CMSS1: variants seen among roughly 807,000 people sequenced by gnomAD.
CMSS1 encodes protein CMSS1.
CMSS1 carries 33 observed loss-of-function variants against 43.5 expected under a neutral mutation model. That is an observed-to-expected ratio of 0.76 (90% CI 0.57 to 1.01). The LOEUF is 1.01. Among genes scored for constraint, CMSS1 ranks in the 50% least tolerant of loss-of-function variants. The pLI is 0.00. For missense variants in CMSS1, 313 were observed against 326.4 expected (o/e 0.96, Z 0.32); for synonymous variants, 115 against 117.2 (o/e 0.98, Z 0.12).
At chr3:100,167,046 C>T (rs1189667502) in intron 5 of CMSS1, among the ~76,000 whole-genome samples, 1 of 152,122 alleles carries the variant, frequency 6.6e-6, no homozygotes, top group Non-Finnish European at 1.5e-5. Context: ...CTGTGTCTGG[C>T]CCTTCAATAT....
chr3:100,001,189 C>G (rs1282201212), intron 1 of CMSS1, among the ~76,000 whole-genome samples: 1 of 152,212 alleles, frequency 6.6e-6, no homozygotes, highest in Admixed American at 6.5e-5. Context: ...TACCCTCTCA[C>G]TTTGTCTCAG....
chr3:99,987,483 T>G (rs980059623), intron 1 of CMSS1, among the ~76,000 whole-genome samples: 22 of 145,660 alleles, frequency 1.5e-4, no homozygotes, highest in African/African-American at 5.7e-4. Flanking sequence ...GAGCCAAGAT[T>G]GTGCCACTGC....
At chr3:99,970,746 G>A (rs943862200) in intron 1 of CMSS1, among the ~76,000 whole-genome samples, 1 of 152,216 alleles carries the variant, frequency 6.6e-6, no homozygotes, top group South Asian at 2.1e-4. Flanking sequence ...AGCGTGCTAC[G>A]ATAGACCTCA....
chr3:100,039,314 A>G (rs1215664129), intron 1 of CMSS1, among the ~76,000 whole-genome samples: 1 of 152,236 alleles, frequency 6.6e-6, no homozygotes, highest in Non-Finnish European at 1.5e-5. Flanking sequence ...CCTATGAAGT[A>G]CATAAGAAGT....
chr3:99,916,012 G>A (rs1475917766), intron 1 of CMSS1, among the ~76,000 whole-genome samples: 2 of 152,214 alleles, frequency 1.3e-5, no homozygotes, highest in African/African-American at 2.4e-5. Context: ...AAAGATACGT[G>A]TAATGGTTAA....
intron 1 of CMSS1, chr3:99,850,531 A>G: frequency 1.2e-6 from 2 of 1,613,326 alleles, no homozygotes; most frequent in Middle Eastern, 1.7e-4. Context: ...TTTCCCTTCC[A>G]TATCTAGCAC....
intron 1 of CMSS1, among the ~76,000 whole-genome samples, chr3:99,928,079 G>T (rs1576578956): frequency 6.6e-6 from 1 of 152,148 alleles, no homozygotes; most frequent in Admixed American, 6.5e-5. Context: ...TCAAGATGGG[G>T]GAATGCAAAA....
intron 2 of CMSS1, among the ~76,000 whole-genome samples, chr3:100,148,944 C>A (rs935562922): frequency 2.6e-5 from 4 of 152,004 alleles, no homozygotes; most frequent in Admixed American, 2.6e-4. Flanking sequence ...ACATCCGTAG[C>A]TCTTCAATTT....
intron 1 of CMSS1, among the ~76,000 whole-genome samples, chr3:99,979,099 C>A (rs1047072686): frequency 2.6e-5 from 4 of 152,274 alleles, no homozygotes; most frequent in Middle Eastern, 3.4e-3. Context: ...GGATTTCTAA[C>A]TTCCCCAACA....
At chr3:99,876,899 G>A (rs1387570366) in intron 1 of CMSS1, among the ~76,000 whole-genome samples, 1 of 152,124 alleles carries the variant, frequency 6.6e-6, no homozygotes, top group African/African-American at 2.4e-5. Flanking sequence ...AATGTTTTGT[G>A]CTGTACTTTC....
chr3:99,998,760 C>T (rs1048215022), intron 1 of CMSS1, among the ~76,000 whole-genome samples: 3 of 151,980 alleles, frequency 2.0e-5, no homozygotes, highest in Non-Finnish European at 2.9e-5. Flanking sequence ...TAGTAGAGAC[C>T]GGGTTTCACC....
chr3:99,990,025 C>T (rs1353984475), intron 1 of CMSS1, among the ~76,000 whole-genome samples: 1 of 152,136 alleles, frequency 6.6e-6, no homozygotes, highest in African/African-American at 2.4e-5. Flanking sequence ...AAGTATGAGT[C>T]TTTAAATCCC....
intron 1 of CMSS1, among the ~76,000 whole-genome samples, chr3:100,113,421 G>C (rs531351308): frequency 6.6e-6 from 1 of 152,282 alleles, no homozygotes; most frequent in East Asian, 1.9e-4. Context: ...GTTCTTGATA[G>C]GTATCTCCCA....
chr3:100,142,772 A>G (rs1452751703), intron 1 of CMSS1, among the ~76,000 whole-genome samples: 1 of 152,224 alleles, frequency 6.6e-6, no homozygotes, highest in Non-Finnish European at 1.5e-5. Context: ...GGAAATTTGT[A>G]TAAGGGATTA....
intron 2 of CMSS1, among the ~76,000 whole-genome samples, chr3:100,150,329 T>A (rs1198839082): frequency 1.3e-5 from 2 of 152,202 alleles, no homozygotes; most frequent in Non-Finnish European, 2.9e-5. Context: ...ATAACTGCAT[T>A]TTTTCTGGAT....
chr3:99,921,187 G>T (rs1029636364), intron 1 of CMSS1, among the ~76,000 whole-genome samples: 1 of 152,160 alleles, frequency 6.6e-6, no homozygotes, highest in African/African-American at 2.4e-5. Context: ...AAGTTGGAAG[G>T]ACTCAGTCAT....
chr3:99,832,734 G>GA (rs1289251862), intron 1 of CMSS1, among the ~76,000 whole-genome samples: 2 of 11,594 alleles, frequency 1.7e-4, no homozygotes. Context: ...CCAGCTACTT[G>GA]GAGGCTAAGG....
rs2067031589 is a variant in CMSS1, at chr3:100,162,370, T to G, written c.293T>G (p.Leu98Arg). 6.2e-7 allele frequency: 1 copy of G among 1,613,632 alleles called. No homozygotes were observed. The highest frequency in any genetic ancestry group is 8.5e-7 in the Non-Finnish European group (1 of 1,179,716). ...KPGLPEDLQK[L>R]MKDYYSSRRL... is the part of the protein sequence containing the mutation. ...GGGTTACCTGAAGACCTACAGAAGC[T>G]GATGAAGGACTATTATAGCAGCAGA... The change falls in exon 4 of 10, where the codon CTG (leucine) becomes CGG (arginine). Residue 98 changes from leucine (L) to arginine (R), a missense_variant. Physicochemically the swap from Leu to Arg is moderately radical, Grantham distance 102. Coordinates refer to ENST00000421999, the MANE Select transcript of CMSS1 (RefSeq NM_032359.4).
chr3:99,899,635 A>T lies in CMSS1; in HGVS notation c.64+81592A>T, dbSNP rs1415826562. Among the ~76,000 whole-genome samples the T allele has an allele frequency of 2.0e-5, 3 of 152,196 alleles. No individual in the cohort carries two copies. The East Asian group carries it at 5.8e-4, about 29-fold the overall frequency. ...TCTAGGACAAAGTACTAGGAATCTG[A>T]CATAAAGTACACTGTTCCTGAAATT... is the stretch of plus-strand genomic sequence containing the variant. On this transcript the variant is annotated intron_variant, in intron 1 of 9. Transcript: ENST00000421999.
Sources: gnomAD v4.1 joint callset for allele counts (sites outside exome capture counted in the v4.1 genomes callset) on GRCh38, gnomAD v4.1.1 for gene constraint, MANE v1.5 for transcripts, NCBI Gene and HGNC (gene_info 2026-07-23, HGNC 2026-07-21) for gene names.